TSHR: variants seen among roughly 807,000 people sequenced by gnomAD.
TSHR encodes the protein thyrotropin receptor.
In TSHR, 51 loss-of-function variants were observed where a neutral mutation model predicts 64.1. That is an observed-to-expected ratio of 0.80 (90% CI 0.64 to 1.01). The LOEUF is 1.01. Among genes scored for constraint, TSHR ranks in the 50% least tolerant of loss-of-function variants. The probability of loss-of-function intolerance (pLI) is 0.00; values close to 1 mark genes in which losing one functional copy is unlikely to be tolerated. For missense variants in TSHR, 877 were observed against 942.8 expected (o/e 0.93, Z 0.91); for synonymous variants, 361 against 361.9 (o/e 1.00, Z 0.03).
At chr14:81,015,816 ACT>A (rs976829842) in intron 1 of TSHR, among the ~76,000 whole-genome samples, 6 of 151,414 alleles carry the variant, frequency 4.0e-5, no homozygotes, top group African/African-American at 1.5e-4. Flanking sequence ...CCATCATTCT[ACT>A]CTCTGCTTCT....
At chr14:81,108,129 A>T (rs1466984976) in intron 7 of TSHR, among the ~76,000 whole-genome samples, 1 of 152,200 alleles carries the variant, frequency 6.6e-6, no homozygotes, top group Non-Finnish European at 1.5e-5. Flanking sequence ...AAATTTAGGT[A>T]TGCAAACTAG....
intron 3 of TSHR, among the ~76,000 whole-genome samples, chr14:81,081,621 C>T (rs1183518901): frequency 1.3e-5 from 2 of 152,168 alleles, no homozygotes; most frequent in African/African-American, 4.8e-5. Context: ...TGTCAAGATA[C>T]ATCAGTAATG....
At chr14:81,082,330 C>A (rs952708161) in intron 3 of TSHR, among the ~76,000 whole-genome samples, 6 of 152,190 alleles carry the variant, frequency 3.9e-5, no homozygotes, top group Non-Finnish European at 8.8e-5. Flanking sequence ...TAGAGCAAAA[C>A]CTAGATAATG....
intron 3 of TSHR, among the ~76,000 whole-genome samples, chr14:81,078,298 T>A (rs1204528631): frequency 6.6e-6 from 1 of 152,218 alleles, no homozygotes; most frequent in African/African-American, 2.4e-5. Flanking sequence ...GAGTATAGAA[T>A]TGTAGCAAAG....
rs1428024083 is a variant in TSHR at position 81,143,332 on chromosome 14, G to A, written c.1274G>A (p.Ser425Asn). Residue 425 changes from serine (S) to asparagine (N), a missense_variant, in exon 10 of 10, where the codon AGT becomes AAT. Physicochemically the swap from Ser to Asn is conservative, Grantham distance 46. Transcript: ENST00000298171. Reference protein sequence around the residue: ...KFLRIVVWFVSLLALLGNVFV... With the variant: ...KFLRIVVWFVNLLALLGNVFV... ...CTGAGAATTGTGGTGTGGTTCGTTA[G>A]TCTGCTGGCTCTCCTGGGCAATGTC... 3 of 1,614,172 alleles carry A rather than the reference G, an allele frequency of 1.9e-6. No homozygotes were observed. Among genetic ancestry groups the A allele is most frequent in the Non-Finnish European group, 2.5e-6 (3 of 1,180,040 alleles).
intron 6 of TSHR, among the ~76,000 whole-genome samples, chr14:81,093,213 A>G (rs914017640): frequency 5.2e-5 from 8 of 152,388 alleles, no homozygotes; most frequent in Admixed American, 3.3e-4. Flanking sequence ...GGGATATTAC[A>G]TAGAAAGCAT....
chr14:81,057,718 C>T (rs17111397), intron 1 of TSHR, among the ~76,000 whole-genome samples: 3,069 of 152,230 alleles, frequency 0.02, 76 homozygotes, highest in African/African-American at 0.051. Flanking sequence ...TATACAAACA[C>T]GCAGAATCAC....
At chr14:81,042,674 TG>T (rs1884979510) in intron 1 of TSHR, among the ~76,000 whole-genome samples, 1 of 152,032 alleles carries the variant, frequency 6.6e-6, no homozygotes, top group African/African-American at 2.4e-5. Flanking sequence ...GATTAGTCAA[TG>T]GGTACAAAGT....
At chr14:81,019,457 C>CTTTTTTTTTTTTTTTTTTTTTTTTTTTTT (rs1166193901) in intron 1 of TSHR, among the ~76,000 whole-genome samples, 1 of 118,388 alleles carries the variant, frequency 8.4e-6, no homozygotes, top group Non-Finnish European at 1.8e-5. Context: ...ATCATCAATT[C>CTTTTTTTTTTTTTTTTTTTTTTTTTTTTT]TTTTTTTTTT....
At chr14:80,983,388 T>C in intron 1 of TSHR, 1 of 1,144,268 alleles carries the variant, frequency 8.7e-7, no homozygotes, top group East Asian at 2.4e-5. Context: ...ACATCTTGTT[T>C]TGAAAGTAAT....
intron 1 of TSHR, chr14:80,994,069 A>C (rs1888878506): frequency 6.6e-6 from 1 of 152,264 alleles, no homozygotes; most frequent in Non-Finnish European, 1.5e-5. Context: ...CTCCTTCTTC[A>C]ACATGAAGAT....
chr14:81,142,242 G>A (rs545096898), intron 9 of TSHR, among the ~76,000 whole-genome samples: 3 of 152,224 alleles, frequency 2.0e-5, no homozygotes, highest in South Asian at 2.1e-4. Context: ...CACTACGCCT[G>A]GCTAATTTTT....
rs762480906 is a variant in TSHR at position 81,062,187 on chromosome 14, T to C, written c.210T>C (p.His70=). ...CTCACCTGAGAACTATTCCAAGTCA[T>C]GCATTTTCTAATCTGCCCAATATTT... ...IETHLRTIPS[H]AFSNLPNISR... Residue 70 remains histidine (H), a synonymous_variant, in exon 2 of 10, where the codon CAT becomes CAC. Transcript: ENST00000298171. 4.3e-6 allele frequency: 7 copies of C among 1,611,836 alleles called. No homozygotes were observed. Among genetic ancestry groups the C allele is most frequent in the East Asian group, 4.5e-5 (2 of 44,720 alleles).
chr14:81,064,459 A>G (rs1445581180), intron 2 of TSHR, among the ~76,000 whole-genome samples: 1 of 152,104 alleles, frequency 6.6e-6, no homozygotes, highest in Non-Finnish European at 1.5e-5. Flanking sequence ...TTGAGTACAC[A>G]TCAGGACACA....
At chr14:81,018,277 C>T (rs1382747242) in intron 1 of TSHR, among the ~76,000 whole-genome samples, 1 of 152,170 alleles carries the variant, frequency 6.6e-6, no homozygotes, top group Non-Finnish European at 1.5e-5. Flanking sequence ...CCAAAATATA[C>T]TCCTTAACCT....
chr14:80,992,480 A>T (rs916655739), intron 1 of TSHR: 1 of 151,628 alleles, frequency 6.6e-6, no homozygotes, highest in Non-Finnish European at 1.5e-5. Flanking sequence ...CTTTACACAT[A>T]CTACTGTTGT....
chr14:80,996,389 T>C (rs1889021367), intron 1 of TSHR, among the ~76,000 whole-genome samples: 1 of 152,164 alleles, frequency 6.6e-6, no homozygotes, highest in South Asian at 2.1e-4. Context: ...TGATTCGTAT[T>C]CATTTTTTTA....
intron 1 of TSHR, among the ~76,000 whole-genome samples, chr14:81,029,795 G>T (rs1884257399): frequency 6.6e-6 from 1 of 152,102 alleles, no homozygotes; most frequent in African/African-American, 2.4e-5. Flanking sequence ...CATGGATTCT[G>T]TATCCTTGCC....
intron 3 of TSHR, among the ~76,000 whole-genome samples, chr14:81,073,107 A>G (rs1887241535): frequency 6.8e-6 from 1 of 147,902 alleles, no homozygotes; most frequent in South Asian, 2.1e-4. Context: ...TATAAAGCAT[A>G]AAGTCTTACT....
Sources: allele counts gnomAD v4.1 joint callset (sites outside exome capture counted in the v4.1 genomes callset), GRCh38; gene constraint gnomAD v4.1.1; transcripts MANE v1.5; gene names NCBI Gene and HGNC (gene_info 2026-07-23, HGNC 2026-07-21).